ANGPT2: variants seen among roughly 807,000 people sequenced by gnomAD.
ANGPT2 encodes angiopoietin 2.
A neutral mutation model predicts 62.9 loss-of-function variants in ANGPT2; 28 were observed. The observed-to-expected ratio is 0.44, with a 90% confidence interval of 0.33 to 0.61. The LOEUF (loss-of-function observed/expected upper bound fraction) is 0.61, where lower values mean the gene tolerates loss of function less well. Among genes scored for constraint, ANGPT2 ranks in the 20% least tolerant of loss-of-function variants. The pLI, the probability that ANGPT2 is intolerant of heterozygous loss-of-function variation, is 0.03. For synonymous variants in ANGPT2, 284 were observed against 207.8 expected (o/e 1.37, Z -3.15); for missense variants, 727 against 594.9 (o/e 1.22, Z -2.31).
At chr8:6,518,691 A>G (rs1273956676) in intron 5 of ANGPT2, among the ~76,000 whole-genome samples, 1 of 152,188 alleles carries the variant, frequency 6.6e-6, no homozygotes, top group African/African-American at 2.4e-5. Flanking sequence ...GAGCCTCGAA[A>G]ATTTCCACTT....
chr8:6,556,709 G>A (rs920539272), intron 1 of ANGPT2, among the ~76,000 whole-genome samples: 2 of 151,952 alleles, frequency 1.3e-5, no homozygotes, highest in South Asian at 4.2e-4. Context: ...GACCTCCTGG[G>A]CTCAGGCAAT....
chr8:6,519,924 T>C lies in ANGPT2; in HGVS notation c.867A>G (p.Ser289=). 1 of 1,613,036 alleles carries C rather than the reference T, an allele frequency of 6.2e-7. No homozygotes were observed. Among genetic ancestry groups the C allele is most frequent in the Non-Finnish European group, 8.5e-7 (1 of 1,179,556 alleles). ...SFRDCAEVFK[S]GHTTNGIYTL... ...TGTAGATGCCATTCGTGGTGTGTCCTGATTTGAATACTTCAGCACAGTCTC... is the reference window on the plus strand; with the variant it reads ...TGTAGATGCCATTCGTGGTGTGTCCCGATTTGAATACTTCAGCACAGTCTC... The change falls in exon 5 of 9, where the codon TCA becomes TCG. Residue 289 remains serine, a synonymous_variant. Coordinates refer to ENST00000629816, the MANE Select transcript of ANGPT2 (RefSeq NM_001118887.2).
intron 3 of ANGPT2, among the ~76,000 whole-genome samples, chr8:6,524,166 G>A (rs1178438551): frequency 6.6e-6 from 1 of 152,158 alleles, no homozygotes; most frequent in East Asian, 1.9e-4. Context: ...ACATTGCAGA[G>A]TTTTGTTTTA....
intron 6 of ANGPT2, 146 bp downstream of exon 6, chr8:6,514,531 T>G (rs549618217): frequency 1.7e-5 from 12 of 703,800 alleles, no homozygotes; most frequent in Non-Finnish European, 2.7e-5. Context: ...TTGGCCATTC[T>G]TTAAAGGGGA....
Position 6,562,636 on chromosome 8 carries a change from T to C in ANGPT2, c.288+11A>G. The C allele has an allele frequency of 7.4e-7, 1 of 1,345,794 alleles. No individual in the cohort carries two copies. Among genetic ancestry groups the C allele is most frequent in the Non-Finnish European group, 9.9e-7 (1 of 1,005,054 alleles). 83.4% of individuals were successfully genotyped at this position (1,345,794 alleles called of 1,614,324 possible). Reference sequence around the variant, plus strand: ...AGCATGTTCACAAAGACAGATGGATTTTTTTCCTACCTTCATTAGCCACTG... The same window carrying C: ...AGCATGTTCACAAAGACAGATGGATCTTTTTCCTACCTTCATTAGCCACTG... On this transcript the variant is annotated intron_variant, in intron 1 of 8. Coordinates refer to ENST00000629816, the MANE Select transcript of ANGPT2 (RefSeq NM_001118887.2).
At position 6,521,159 on chromosome 8, in the gene ANGPT2, G is replaced by A. The variant is rs562258204; in HGVS notation, c.799+19C>T. 1.3e-6 allele frequency: 2 copies of A among 1,597,698 alleles called. No homozygotes were observed. Among genetic ancestry groups the A allele is most frequent in the Non-Finnish European group, 1.7e-6 (2 of 1,166,686 alleles). ...CTAAAGGTTATTAACGCTGAAGAAA[G>A]CATGATATGTAAACTTACAGTTTGA... On this transcript the variant is annotated intron_variant, in intron 4 of 8. Coordinates refer to ENST00000629816, the MANE Select transcript of ANGPT2 (RefSeq NM_001118887.2).
At chr8:6,513,401 C>T (rs1274617433) in intron 7 of ANGPT2, among the ~76,000 whole-genome samples, 2 of 150,034 alleles carry the variant, frequency 1.3e-5, no homozygotes, top group Non-Finnish European at 1.5e-5. Context: ...GGCACGATCT[C>T]GGCTCACTGC....
intron 5 of ANGPT2, among the ~76,000 whole-genome samples, chr8:6,516,896 G>C (rs902753980): frequency 6.6e-6 from 1 of 152,148 alleles, no homozygotes; most frequent in East Asian, 1.9e-4. Flanking sequence ...AAATGTCTGA[G>C]AGTCACTGCC....
At chr8:6,550,192 T>C (rs1823379963) in intron 1 of ANGPT2, among the ~76,000 whole-genome samples, 1 of 152,210 alleles carries the variant, frequency 6.6e-6, no homozygotes, top group South Asian at 2.1e-4. Context: ...GTCGGCTCCA[T>C]CTCCAGATGT....
At chr8:6,531,040 A>G (rs577152955) in intron 2 of ANGPT2, among the ~76,000 whole-genome samples, 49 of 152,156 alleles carry the variant, frequency 3.2e-4, no homozygotes, top group Admixed American at 4.6e-4. Flanking sequence ...GTAGGAAGCC[A>G]CTGACTTCAG....
At position 6,520,136 on chromosome 8, in the gene ANGPT2, A is replaced by T. The variant is rs567105951; in HGVS notation, c.800-145T>A. On this transcript the variant is annotated intron_variant, in intron 4 of 8. Coordinates refer to ENST00000629816, the MANE Select transcript of ANGPT2 (RefSeq NM_001118887.2). ...GCTGTACCACTTTTTTAACCTTTCTAGAAAGTTTCCTTTCAGCCTGTTTTC... is the reference window on the plus strand; with the variant it reads ...GCTGTACCACTTTTTTAACCTTTCTTGAAAGTTTCCTTTCAGCCTGTTTTC... 3.3e-5 allele frequency: 29 copies of T among 889,768 alleles called. No homozygotes were observed. In the East Asian group the frequency reaches 7.6e-4, roughly 23 times the overall value. 55.1% of individuals were successfully genotyped at this position (889,768 alleles called of 1,614,324 possible).
At position 6,509,868 on chromosome 8, in the gene ANGPT2, T is replaced by A. The variant is rs925987808; in HGVS notation, c.1197-806A>T. Among the ~76,000 whole-genome samples, 27 of 152,314 alleles carry A rather than the reference T, an allele frequency of 1.8e-4. 1 individual carries two copies. The highest frequency in any genetic ancestry group is 6.3e-4 in the African/African-American group (26 of 41,576). On this transcript the variant is annotated intron_variant, in intron 7 of 8. Transcript: ENST00000629816. ...AACACGGTGCACGCAGTGTCTGTTG[T>A]TCACCCTGGGGATCACAGGACTGAC...
intron 1 of ANGPT2, among the ~76,000 whole-genome samples, chr8:6,547,096 G>C (rs367581419): frequency 1.6e-4 from 24 of 152,052 alleles, no homozygotes; most frequent in African/African-American, 5.1e-4. Context: ...TGGAAGTGTA[G>C]ATAGGTGCCA....
Position 6,500,748 on chromosome 8 carries a change from T to C in ANGPT2, c.*2353A>G, listed in dbSNP as rs1237425547. On this transcript the variant is annotated 3_prime_UTR_variant, in exon 9 of 9. Transcript: ENST00000629816. Reference sequence around the variant, plus strand: ...CAAAAGCTCCTCTCAGCAAAACTGTTTGTTTGAAATACCGTGTAAGGAATT... The same window carrying C: ...CAAAAGCTCCTCTCAGCAAAACTGTCTGTTTGAAATACCGTGTAAGGAATT... 1 of 152,224 alleles carries C rather than the reference T, an allele frequency of 6.6e-6. No individual in the cohort carries two copies. Among genetic ancestry groups the C allele is most frequent in the Non-Finnish European group, 1.5e-5 (1 of 68,042 alleles). The allele number at this position is 152,224 out of a possible 1,614,324, so 9.4% of individuals were successfully genotyped here.
In ANGPT2 at chr8:6,562,896, A is replaced by G. The variant is rs369653095; in HGVS notation, c.39T>C (p.Leu13=). 6.2e-7 allele frequency: 1 copy of G among 1,607,732 alleles called. No individual in the cohort carries two copies. The highest frequency in any genetic ancestry group is 1.3e-5 in the African/African-American group (1 of 74,774). ...QIVFFTLSCD[L]VLAAAYNNFR... ...AGTTGTTATAGGCTGCGGCCAAGACAAGATCACAGCTCAGAGTAAAGAAAA... is the reference window on the plus strand; with the variant it reads ...AGTTGTTATAGGCTGCGGCCAAGACGAGATCACAGCTCAGAGTAAAGAAAA... The change falls in exon 1 of 9, where the codon CTT becomes CTC. Residue 13 remains leucine, a synonymous_variant. Coordinates refer to ENST00000629816, the MANE Select transcript of ANGPT2 (RefSeq NM_001118887.2).
intron 2 of ANGPT2, among the ~76,000 whole-genome samples, chr8:6,528,792 G>C (rs528479806): frequency 3.0e-4 from 45 of 152,228 alleles, no homozygotes; most frequent in Non-Finnish European, 3.1e-4. Flanking sequence ...TTGTTTGCTG[G>C]TGTCTTTATG....
intron 1 of ANGPT2, among the ~76,000 whole-genome samples, chr8:6,552,098 C>G (rs953283042): frequency 3.7e-4 from 57 of 152,182 alleles, no homozygotes; most frequent in African/African-American, 1.3e-3. Flanking sequence ...AATGGTACCT[C>G]TAAGAAATTC....
intron 6 of ANGPT2, among the ~76,000 whole-genome samples, chr8:6,514,265 C>G (rs1257263271): frequency 6.6e-6 from 1 of 152,200 alleles, no homozygotes; most frequent in African/African-American, 2.4e-5. Context: ...TCTTGGCTGA[C>G]TGCACCCTCT....
At chr8:6,535,048 A>T (rs1820242488) in intron 1 of ANGPT2, among the ~76,000 whole-genome samples, 1 of 152,190 alleles carries the variant, frequency 6.6e-6, no homozygotes, top group African/African-American at 2.4e-5. Flanking sequence ...AACTATAGAG[A>T]TAGACTCCAG....
Sources: gnomAD v4.1 joint callset for allele counts (sites outside exome capture counted in the v4.1 genomes callset) on GRCh38, gnomAD v4.1.1 for gene constraint, MANE v1.5 for transcripts, NCBI Gene and HGNC (gene_info 2026-07-23, HGNC 2026-07-21) for gene names.